Variants in KIT observed in about 807,000 individuals in gnomAD.
KIT encodes mast/stem cell growth factor receptor Kit.
In KIT, 16 loss-of-function variants were observed where a neutral mutation model predicts 105.7. The observed-to-expected ratio is 0.15, with a 90% CI of 0.10 to 0.23. The LOEUF is 0.23. Ranked by LOEUF, KIT falls within the 10% of genes least tolerant of loss-of-function variation. The pLI is 1.00. For synonymous variants in KIT, 438 were observed against 441.1 expected (o/e 0.99, Z 0.09); for missense variants, 858 against 1,213.8 (o/e 0.71, Z 4.36).
intron 11 of KIT, 139 bp from the exon 12 acceptor site, chr4:54,727,684 G>T: frequency 7.6e-7 from 1 of 1,315,344 alleles, no homozygotes; most frequent in Non-Finnish European, 1.1e-6. Flanking sequence ...TGATAGGTTT[G>T]CCATAGAGAA....
At chr4:54,666,979 G>C (rs1190759686) in intron 1 of KIT, among the ~76,000 whole-genome samples, 4 of 152,214 alleles carry the variant, frequency 2.6e-5, no homozygotes, top group African/African-American at 9.6e-5. Context: ...AAATTGTACG[G>C]TGTGGTAGCT....
In KIT at chr4:54,698,280, A is replaced by G. The variant is rs878853766; in HGVS notation, c.338-4A>G. On this transcript the variant is annotated splice_polypyrimidine_tract_variant and splice_region_variant and intron_variant, in intron 2 of 20. Coordinates refer to ENST00000288135, the MANE Select transcript of KIT (RefSeq NM_000222.3). ...AACTACTGATTTTGGATATGCTTCT[A>G]TAGATCCTGCCAAGCTTTTCCTTGT... 4.3e-6 allele frequency: 7 copies of G among 1,613,176 alleles called. No homozygotes were observed. Among genetic ancestry groups the G allele is most frequent in the East Asian group, 2.2e-5 (1 of 44,878 alleles).
intron 1 of KIT, among the ~76,000 whole-genome samples, chr4:54,680,760 T>C (rs1718851660): frequency 1.3e-5 from 2 of 152,128 alleles, no homozygotes; most frequent in African/African-American, 4.8e-5. Context: ...TGCAGAAGCT[T>C]GAGTTTCCTG....
intron 1 of KIT, among the ~76,000 whole-genome samples, chr4:54,666,279 TTTTTG>T (rs1261545397): frequency 6.6e-5 from 10 of 152,090 alleles, no homozygotes; most frequent in Non-Finnish European, 1.0e-4. Context: ...TTTTTTGTTT[TTTTTG>T]TTTTGTTTTG....
At chr4:54,669,001 C>T (rs1717904863) in intron 1 of KIT, among the ~76,000 whole-genome samples, 1 of 152,140 alleles carries the variant, frequency 6.6e-6, no homozygotes, top group South Asian at 2.1e-4. Context: ...GCTGATAAAA[C>T]ACCACAAGGA....
intron 1 of KIT, among the ~76,000 whole-genome samples, chr4:54,690,023 A>G (rs528811007): frequency 5.6e-5 from 8 of 143,442 alleles, no homozygotes; most frequent in South Asian, 2.4e-4. Flanking sequence ...AGGTTCATTC[A>G]TGTGTGGCAT....
rs77842054 is a variant in KIT, at chr4:54,740,348, G to A, written c.*1791G>A. 2.4e-3 allele frequency: 570 copies of A among 233,556 alleles called. 1 individual carries two copies. The highest frequency in any genetic ancestry group is 0.012 in the African/African-American group (525 of 45,462). 14.5% of individuals were successfully genotyped at this position (233,556 alleles called of 1,614,324 possible). A position where few individuals can be genotyped will look rare whatever the true frequency, so the allele number is the denominator to read the frequency against. On this transcript the variant is annotated 3_prime_UTR_variant, in exon 21 of 21. Coordinates refer to ENST00000288135, the MANE Select transcript of KIT (RefSeq NM_000222.3). ...ATTGACTTCAATGATAGTAAGAAAA[G>A]TGGTTGTTAGTTATAGATGTCTAGG...
chr4:54,678,338 TTCCTTCCTTCCTTCCCTCCC>T (rs1718646907), intron 1 of KIT, among the ~76,000 whole-genome samples: 2 of 96,320 alleles, frequency 2.1e-5, no homozygotes, highest in African/African-American at 1.2e-4. Context: ...CCTTCCTTCC[TTCCTTCCTTCCTTCCCTCCC>T]TCCCTCCCTC....
chr4:54,681,215 G>A (rs959478480), intron 1 of KIT, among the ~76,000 whole-genome samples: 1 of 140,036 alleles, frequency 7.1e-6, no homozygotes, highest in Non-Finnish European at 1.5e-5. Context: ...TCTGGTTCAT[G>A]TTTCAATATG....
chr4:54,664,791 T>G (rs1717560569), intron 1 of KIT, among the ~76,000 whole-genome samples: 1 of 151,660 alleles, frequency 6.6e-6, no homozygotes, highest in African/African-American at 2.4e-5. Flanking sequence ...ATTTCTATTT[T>G]TGTAGAGAAT....
chr4:54,737,368 C>A, intron 20 of KIT, 88 bp downstream of exon 20: 1 of 861,498 alleles, frequency 1.2e-6, no homozygotes, highest in Non-Finnish European at 2.0e-6. Context: ...GAGGACTAAC[C>A]TCCCAACCCC....
At chr4:54,715,209 C>T (rs925357962) in intron 7 of KIT, among the ~76,000 whole-genome samples, 3 of 152,088 alleles carry the variant, frequency 2.0e-5, no homozygotes, top group South Asian at 4.1e-4. Context: ...AAAGTCTGGG[C>T]TACCTTTTAG....
chr4:54,676,960 A>G (rs1416474295), intron 1 of KIT, among the ~76,000 whole-genome samples: 1 of 152,100 alleles, frequency 6.6e-6, no homozygotes, highest in Non-Finnish European at 1.5e-5. Context: ...GGTAGGTCAG[A>G]TCAGCCCTCA....
intron 16 of KIT, 116 bp from the exon 17 acceptor site, chr4:54,732,949 TAAAAC>T (rs2109800091): frequency 4.8e-6 from 4 of 834,530 alleles, no homozygotes; most frequent in East Asian, 5.4e-5. Flanking sequence ...CTGAATACTT[TAAAAC>T]AAAAGTATTG....
Position 54,689,118 on chromosome 4 carries a change from C to T in KIT, c.68-6394C>T, listed in dbSNP as rs141210644. On this transcript the variant is annotated intron_variant, in intron 1 of 20. Transcript: ENST00000288135. ...TTTTTGTAAATTGGAGGCCCTCCTC[C>T]GATCTGCTAATGTTTGCCCACATTT... is the stretch of plus-strand genomic sequence containing the variant. 4.2e-3 allele frequency among the ~76,000 whole-genome samples: 635 copies of T among 152,322 alleles called. 10 individuals carry two copies. The highest frequency in any genetic ancestry group is 0.015 in the African/African-American group (608 of 41,566).
chr4:54,673,475 AGTTC>A (rs1185096116), intron 1 of KIT, among the ~76,000 whole-genome samples: 1 of 152,058 alleles, frequency 6.6e-6, no homozygotes, highest in Non-Finnish European at 1.5e-5. Context: ...TTTAATTCTT[AGTTC>A]TTTTGCCTCC....
At chr4:54,670,896 A>G (rs764139961) in intron 1 of KIT, among the ~76,000 whole-genome samples, 1 of 152,158 alleles carries the variant, frequency 6.6e-6, no homozygotes, top group Non-Finnish European at 1.5e-5. Context: ...ACTTTTCTGC[A>G]TGGCTGTTCA....
chr4:54,678,367 T>A (rs1300769598), intron 1 of KIT, among the ~76,000 whole-genome samples: 1 of 78,642 alleles, frequency 1.3e-5, no homozygotes, highest in Admixed American at 1.7e-4. Flanking sequence ...CCTCCCTCCC[T>A]CCCTCCCTCC....
chr4:54,710,156 T>A (rs2109716652), intron 7 of KIT, among the ~76,000 whole-genome samples: 1 of 152,326 alleles, frequency 6.6e-6, no homozygotes, highest in South Asian at 2.1e-4. Flanking sequence ...CAGCCCACCA[T>A]GTCTTAGAGA....
Sources: allele counts gnomAD v4.1 joint callset (sites outside exome capture counted in the v4.1 genomes callset), GRCh38; gene constraint gnomAD v4.1.1; transcripts MANE v1.5; gene names NCBI Gene and HGNC (gene_info 2026-07-23, HGNC 2026-07-21).